COL4A6: variants seen among roughly 807,000 people sequenced by gnomAD.
COL4A6 encodes the protein collagen alpha-6(IV) chain.
A neutral mutation model predicts 126.7 loss-of-function variants in COL4A6; 59 were observed. That is an observed-to-expected ratio of 0.47 (90% confidence interval 0.38 to 0.58). The LOEUF (loss-of-function observed/expected upper bound fraction) is 0.58. Among genes scored for constraint, COL4A6 ranks in the 20% least tolerant of loss-of-function variants. COL4A6 has a pLI of 0.00. For missense variants in COL4A6, 1,285 were observed against 1,337.3 expected (o/e 0.96, Z 0.61); for synonymous variants, 547 against 496.6 (o/e 1.10, Z -1.35).
rs1056150118 is a variant in COL4A6, at chrX:108,438,422, T to C, written c.-226A>G. ...GTTACAACTTGCAGCACTCAGGAGA[T>C]AGTTCCATGCAGCAGGAGAGGAAAG... On this transcript the variant is annotated 5_prime_UTR_variant, in exon 1 of 45. Transcript: ENST00000334504. 20 of 1,021,669 alleles carry C rather than the reference T, an allele frequency of 2.0e-5. No individual in the cohort carries two copies. The highest frequency in any genetic ancestry group is 2.5e-5 in the Non-Finnish European group (20 of 807,366). The allele number at this position is 1,021,669 out of a possible 1,213,427, so 84.2% of individuals were successfully genotyped here.
intron 20 of COL4A6, among the ~76,000 whole-genome samples, chrX:108,190,003 G>T (rs2034988927): frequency 8.9e-6 from 1 of 112,535 alleles, no homozygotes; most frequent in East Asian, 2.8e-4. Flanking sequence ...GGGGGCTAGG[G>T]TTGTTCTCCT....
intron 2 of COL4A6, among the ~76,000 whole-genome samples, chrX:108,408,063 C>A (rs897788803): frequency 2.7e-5 from 3 of 111,528 alleles, no homozygotes; most frequent in Non-Finnish European, 3.8e-5. Flanking sequence ...GTAATCATGG[C>A]ACTTGGGAAG....
intron 23 of COL4A6, among the ~76,000 whole-genome samples, chrX:108,183,924 A>C (rs1484870807): frequency 8.9e-6 from 1 of 112,023 alleles, no homozygotes; most frequent in African/African-American, 3.2e-5. Flanking sequence ...GATCAAGCAC[A>C]CAGTCACCAC....
At chrX:108,397,342 C>A (rs1433471761) in intron 2 of COL4A6, among the ~76,000 whole-genome samples, 2 of 111,160 alleles carry the variant, frequency 1.8e-5, no homozygotes, top group African/African-American at 6.5e-5. Flanking sequence ...TCATCCTCTC[C>A]AAAAGTGGGT....
chrX:108,162,905 A>G lies in COL4A6; in HGVS notation c.4203T>C (p.Pro1401=). 1.7e-6 allele frequency: 2 copies of G among 1,189,178 alleles called. No individual in the cohort carries two copies. The highest frequency in any genetic ancestry group is 2.3e-6 in the Non-Finnish European group (2 of 886,056). Residue 1401 remains proline (P), a synonymous_variant, in exon 41 of 45, where the codon CCT becomes CCC. Coordinates refer to ENST00000334504, the MANE Select transcript of COL4A6 (RefSeq NM_033641.4). ...GLTGDPGAQG[P]VGLQGSKGLP... is the part of the protein sequence containing the mutation. ...CACCCTCCTCACCTTGTAGGCCTAC[A>G]GGGCCTTGAGCCCCAGGGTCCCCAG...
chrX:108,226,278 G>A (rs1267064387), intron 3 of COL4A6, among the ~76,000 whole-genome samples: 1 of 112,344 alleles, frequency 8.9e-6, no homozygotes, highest in African/African-American at 3.2e-5. Flanking sequence ...ATGGCAAAAT[G>A]GAGAGTTTAG....
chrX:108,335,255 T>A (rs2039402789), intron 2 of COL4A6, among the ~76,000 whole-genome samples: 1 of 112,289 alleles, frequency 8.9e-6, no homozygotes, highest in Non-Finnish European at 1.9e-5. Context: ...GTGTGCTTGC[T>A]GTGTTCCTAG....
At chrX:108,196,195 C>A (rs1279231813) in intron 14 of COL4A6, among the ~76,000 whole-genome samples, 2 of 111,000 alleles carry the variant, frequency 1.8e-5, no homozygotes, top group Non-Finnish European at 3.8e-5. Context: ...CAAGGCAACA[C>A]TTGCCTTGCT....
intron 3 of COL4A6, among the ~76,000 whole-genome samples, chrX:108,275,694 C>G (rs1353972090): frequency 2.7e-5 from 3 of 112,713 alleles, no homozygotes; most frequent in African/African-American, 9.7e-5. Flanking sequence ...GGAGATAAAG[C>G]AATTGAAAGA....
intron 3 of COL4A6, among the ~76,000 whole-genome samples, chrX:108,259,320 T>A (rs2147712928): frequency 9.0e-6 from 1 of 111,531 alleles, no homozygotes; most frequent in Admixed American, 9.5e-5. Context: ...CACCAAATAA[T>A]CTATTTGGAT....
At chrX:108,249,096 GTAA>G (rs893634900) in intron 3 of COL4A6, among the ~76,000 whole-genome samples, 5 of 110,017 alleles carry the variant, frequency 4.5e-5, no homozygotes, top group Admixed American at 2.0e-4. Flanking sequence ...ATATTACAAT[GTAA>G]TAATAATAAT....
chrX:108,366,450 A>C (rs941161935), intron 2 of COL4A6, among the ~76,000 whole-genome samples: 2 of 112,111 alleles, frequency 1.8e-5, no homozygotes, highest in Non-Finnish European at 3.8e-5. Flanking sequence ...TCTTCTCTTT[A>C]ACTGCAGCTC....
chrX:108,254,750 G>A (rs951579690), intron 3 of COL4A6, among the ~76,000 whole-genome samples: 1 of 110,431 alleles, frequency 9.1e-6, no homozygotes, highest in Non-Finnish European at 1.9e-5. Flanking sequence ...ATACCAGTAG[G>A]CACTCTAAAT....
At chrX:108,291,738 A>G (rs1261467995) in intron 3 of COL4A6, among the ~76,000 whole-genome samples, 1 of 112,144 alleles carries the variant, frequency 8.9e-6, no homozygotes, top group Admixed American at 9.5e-5. Flanking sequence ...GGAAATTGCC[A>G]GTATTAATTT....
At chrX:108,306,012 C>A (rs2038617902) in intron 3 of COL4A6, among the ~76,000 whole-genome samples, 2 of 111,758 alleles carry the variant, frequency 1.8e-5, no homozygotes, top group African/African-American at 6.5e-5. Flanking sequence ...TGGCTGAAAT[C>A]CCTGCAGTAT....
At chrX:108,302,640 G>T (rs907323223) in intron 3 of COL4A6, among the ~76,000 whole-genome samples, 13 of 110,530 alleles carry the variant, frequency 1.2e-4, no homozygotes, top group African/African-American at 3.6e-4. Flanking sequence ...TAGGTCCAAG[G>T]AAACATCAAT....
intron 3 of COL4A6, among the ~76,000 whole-genome samples, chrX:108,262,992 C>A (rs754808436): frequency 9.0e-6 from 1 of 110,914 alleles, no homozygotes; most frequent in South Asian, 3.9e-4. Context: ...ATTCCATAAC[C>A]ATTTGTTTAA....
chrX:108,410,729 A>G (rs756284041), intron 2 of COL4A6, among the ~76,000 whole-genome samples: 30 of 111,622 alleles, frequency 2.7e-4, no homozygotes, highest in Non-Finnish European at 4.9e-4. Context: ...CTGATTATCA[A>G]CATTTTAGAG....
chrX:108,409,926 A>G (rs2041292583), intron 2 of COL4A6, among the ~76,000 whole-genome samples: 1 of 111,795 alleles, frequency 8.9e-6, no homozygotes, highest in Non-Finnish European at 1.9e-5. Context: ...TCTCTCAAGC[A>G]GCTCATTCCA....
Sources: gnomAD v4.1 joint callset for allele counts (sites outside exome capture counted in the v4.1 genomes callset) on GRCh38, gnomAD v4.1.1 for gene constraint, MANE v1.5 for transcripts, NCBI Gene and HGNC (gene_info 2026-07-23, HGNC 2026-07-21) for gene names.